The following PIK3AP1 variants were observed in gnomAD, a reference collection of about 807,000 sequenced individuals.
The protein encoded by PIK3AP1 is phosphoinositide-3-kinase adaptor protein 1, also known as phosphoinositide 3-kinase adapter protein 1.
Under a neutral mutation model 88.1 loss-of-function variants are expected in PIK3AP1, and 21 were observed. The observed-to-expected ratio is 0.24, with a 90% CI of 0.17 to 0.34. PIK3AP1 has a LOEUF of 0.34. PIK3AP1 is among the 10% of genes least tolerant of loss of function. The pLI, the probability that PIK3AP1 is intolerant of heterozygous loss-of-function variation, is 1.00. For synonymous variants in PIK3AP1, 398 were observed against 400.0 expected, an observed-to-expected ratio of 1.00 and a Z score of 0.06; for missense variants, 828 against 1,035.7, an observed-to-expected ratio of 0.80 and a Z score of 2.75.
chr10:96,710,750 T>A (rs1398396169), intron 1 of PIK3AP1, among the ~76,000 whole-genome samples: 2 of 152,216 alleles, frequency 1.3e-5, no homozygotes, highest in African/African-American at 4.8e-5. Flanking sequence ...TAGGTACTAT[T>A]ATTAGCCCAT....
chr10:96,618,592 AAAAAAAAAAAAAG>A (rs1169482944), intron 12 of PIK3AP1: 1 of 134,260 alleles, frequency 7.4e-6, no homozygotes, highest in Admixed American at 7.2e-5. Context: ...GAAAATGTAA[AAAAAAAAAAAAAG>A]AAAAAAAGAA....
chr10:96,633,998 G>A (rs1344431439), intron 8 of PIK3AP1, among the ~76,000 whole-genome samples: 1 of 152,158 alleles, frequency 6.6e-6, no homozygotes, highest in African/African-American at 2.4e-5. Flanking sequence ...CCTCCTTGGT[G>A]AAGGGTCTGC....
chr10:96,609,589 T>C, intron 14 of PIK3AP1, 123 bp downstream of exon 14: 1 of 1,222,320 alleles, frequency 8.2e-7, no homozygotes, highest in Non-Finnish European at 1.1e-6. Flanking sequence ...TTTATACCTC[T>C]CAAACCCAAA....
At chr10:96,628,871 T>TACATATATATACACAC (rs778599781) in intron 8 of PIK3AP1, among the ~76,000 whole-genome samples, 3,414 of 42,980 alleles carry the variant, frequency 0.079, 736 homozygotes, top group East Asian at 0.2. Context: ...CACACATATA[T>TACATATATATACACAC]ACACATATAT....
At chr10:96,717,718 A>C (rs1844521017) in intron 1 of PIK3AP1, among the ~76,000 whole-genome samples, 1 of 152,198 alleles carries the variant, frequency 6.6e-6, no homozygotes, top group Admixed American at 6.5e-5. Flanking sequence ...TCACCCAGCC[A>C]CAGACTTGGC....
intron 9 of PIK3AP1, 113 bp from the exon 10 acceptor site, chr10:96,627,018 A>C (rs1057228355): frequency 1.0e-6 from 1 of 988,984 alleles, no homozygotes; most frequent in Non-Finnish European, 1.6e-6. Flanking sequence ...GCCCCCTGGC[A>C]AAGGACTTTC....
rs1844552491 is a variant in PIK3AP1, at chr10:96,720,157, C to T, written c.13+225G>A. The stretch of plus-strand genomic sequence containing the variant: ...AGACCCTGAAGAAGTGGGAGGGGGT[C>T]GGGCCAGGCAGGGGCTGAAGAGAAT... On this transcript the variant is annotated intron_variant, in intron 1 of 16. Coordinates refer to ENST00000339364, the MANE Select transcript of PIK3AP1 (RefSeq NM_152309.3). This position sits in a 1 kb window ranked among gnomAD's most constrained non-coding sequence, Gnocchi z 4.6. Among the ~76,000 whole-genome samples the T allele has an allele frequency of 6.6e-6, 1 of 152,088 alleles. No homozygotes were observed. The highest frequency in any genetic ancestry group is 1.5e-5 in the Non-Finnish European group (1 of 68,022).
chr10:96,665,916 A>G (rs1446627019), intron 2 of PIK3AP1, among the ~76,000 whole-genome samples: 10 of 152,148 alleles, frequency 6.6e-5, no homozygotes, highest in Admixed American at 3.9e-4. Flanking sequence ...CTCCCCACAG[A>G]TTGGCGAGTA....
intron 2 of PIK3AP1, among the ~76,000 whole-genome samples, chr10:96,673,819 T>C (rs1251387768): frequency 3.3e-5 from 5 of 152,132 alleles, no homozygotes; most frequent in Admixed American, 3.3e-4. Context: ...GCTGAAGAAA[T>C]TGAGAGTAAA....
At chr10:96,683,161 T>C (rs893907477) in intron 2 of PIK3AP1, among the ~76,000 whole-genome samples, 1 of 152,236 alleles carries the variant, frequency 6.6e-6, no homozygotes. Flanking sequence ...GTCCGCATCA[T>C]GTCTAAAAAT....
chr10:96,716,260 T>C (rs960563595), intron 1 of PIK3AP1, among the ~76,000 whole-genome samples: 1 of 152,142 alleles, frequency 6.6e-6, no homozygotes, highest in Non-Finnish European at 1.5e-5. Flanking sequence ...CCAGCCTGGA[T>C]GACAGAGTGA....
intron 2 of PIK3AP1, among the ~76,000 whole-genome samples, chr10:96,700,207 C>T (rs979908488): frequency 3.9e-5 from 6 of 152,202 alleles, no homozygotes; most frequent in African/African-American, 1.4e-4. Flanking sequence ...GTAACGCGAA[C>T]AGGAGAAGGC....
intron 2 of PIK3AP1, among the ~76,000 whole-genome samples, chr10:96,681,683 T>C (rs891345586): frequency 6.6e-6 from 1 of 152,142 alleles, no homozygotes; most frequent in African/African-American, 2.4e-5. Context: ...GTGCAGAAGA[T>C]GAGTCATAAT....
Position 96,687,255 on chromosome 10 carries a change from C to CAA in PIK3AP1, c.430+22310_430+22311dup, listed in dbSNP as rs59631566. On this transcript the variant is annotated intron_variant, in intron 2 of 16. Transcript: ENST00000339364. Reference sequence around the variant, plus strand: ...TGGGCAAAAGAGCGATACTCCATCTCAAAAAAAAAAAAAAAAAAAAAAAAA... The same window carrying CAA: ...TGGGCAAAAGAGCGATACTCCATCTCAAAAAAAAAAAAAAAAAAAAAAAAAAA... Among the ~76,000 whole-genome samples, 552 of 55,330 alleles carry CAA rather than the reference C, an allele frequency of 1.0e-2. 32 individuals carry two copies. Among genetic ancestry groups the CAA allele is most frequent in the African/African-American group, 0.02 (269 of 13,204 alleles). The allele number at this position is 55,330 out of a possible 152,430, so 36.3% of individuals were successfully genotyped here. A position where few individuals can be genotyped will look rare whatever the true frequency, so the allele number is the denominator to read the frequency against.
chr10:96,614,534 G>A (rs1849182926), intron 13 of PIK3AP1, among the ~76,000 whole-genome samples: 1 of 151,830 alleles, frequency 6.6e-6, no homozygotes, highest in South Asian at 2.1e-4. Flanking sequence ...TTCTGCGATG[G>A]TTAAAACCTC....
chr10:96,709,481 C>T (rs1844409010), intron 2 of PIK3AP1, 86 bp downstream of exon 2: 4 of 1,448,630 alleles, frequency 2.8e-6, no homozygotes, highest in Admixed American at 2.1e-5. Context: ...AGTGAGATCC[C>T]CGCTCATTTT....
At chr10:96,656,648 G>A in intron 3 of PIK3AP1, 150 bp downstream of exon 3, 2 of 1,148,184 alleles carry the variant, frequency 1.7e-6, no homozygotes, top group Non-Finnish European at 2.5e-6. Context: ...CCAGGGCCCG[G>A]GTAACAGGGT....
At chr10:96,712,668 T>C (rs952384819) in intron 1 of PIK3AP1, among the ~76,000 whole-genome samples, 1 of 152,244 alleles carries the variant, frequency 6.6e-6, no homozygotes, top group Non-Finnish European at 1.5e-5. Flanking sequence ...ATGTGGCTGG[T>C]TTATCTTAAG....
At chr10:96,646,331 C>T (rs1370768715) in intron 7 of PIK3AP1, among the ~76,000 whole-genome samples, 2 of 152,068 alleles carry the variant, frequency 1.3e-5, no homozygotes, top group African/African-American at 2.4e-5. Context: ...TGCCTATACC[C>T]TATCTCCTGT....
Sources: gnomAD v4.1 joint callset for allele counts (sites outside exome capture counted in the v4.1 genomes callset) on GRCh38, gnomAD v4.1.1 for gene constraint, Gnocchi (gnomAD v3.1) non-coding constraint, MANE v1.5 for transcripts, NCBI Gene and HGNC (gene_info 2026-07-23, HGNC 2026-07-21) for gene names.